ZNF510: variants seen among roughly 807,000 people sequenced by gnomAD.
The protein encoded by ZNF510 is zinc finger protein 510.
In ZNF510, 15 loss-of-function variants were observed where a neutral mutation model predicts 18.1. The ratio of observed to expected loss-of-function variants is 0.83; its 90% CI spans 0.55 to 1.28. The LOEUF (loss-of-function observed/expected upper bound fraction) is 1.28, where lower values mean the gene tolerates loss of function less well. Ranked by LOEUF, ZNF510 falls within the 50% of genes most tolerant of loss-of-function variation. The pLI, the probability that ZNF510 is intolerant of heterozygous loss-of-function variation, is 0.00. For synonymous variants in ZNF510, 261 were observed against 266.4 expected (o/e 0.98, Z 0.20); for missense variants, 724 against 791.8 (o/e 0.91, Z 1.03).
intron 3 of ZNF510, among the ~76,000 whole-genome samples, chr9:96,767,270 G>C (rs1441159045): frequency 6.6e-6 from 1 of 152,174 alleles, no homozygotes; most frequent in African/African-American, 2.4e-5. Context: ...GGAGGTTGCA[G>C]TGAGCTGATA....
In ZNF510 at chr9:96,757,223, G is replaced by A. The variant is rs10124797; in HGVS notation, c.*1555C>T. The A allele has an allele frequency of 0.037, 5,662 of 152,282 alleles. 352 individuals carry two copies. The highest frequency in any genetic ancestry group is 0.13 in the African/African-American group (5,318 of 41,538). 9.4% of individuals were successfully genotyped at this position (152,282 alleles called of 1,614,324 possible). ...TGGGTGCCAATGGCCTTTGGAGCCA[G>A]GGAAAACTCCTTAAAGCAGATATAG... On this transcript the variant is annotated 3_prime_UTR_variant, in exon 6 of 6. Coordinates refer to ENST00000223428, the MANE Select transcript of ZNF510 (RefSeq NM_014930.3).
In ZNF510 at chr9:96,769,058, T is replaced by C. The variant is rs575732061; in HGVS notation, c.130-5426A>G. ...CATTGGCCATTTATTAGGAAAAAAA[T>C]AGTTTTCAACAGATGATGCTGGGAT... is the stretch of plus-strand genomic sequence containing the variant. On this transcript the variant is annotated intron_variant, in intron 3 of 5. Coordinates refer to ENST00000223428, the MANE Select transcript of ZNF510 (RefSeq NM_014930.3). Among the ~76,000 whole-genome samples, 30 of 152,074 alleles carry C rather than the reference T, an allele frequency of 2.0e-4. 1 individual carries two copies. Among genetic ancestry groups the C allele is most frequent in the African/African-American group, 7.0e-4 (29 of 41,474 alleles).
chr9:96,762,097 CAGTGT>C (rs1229902979), intron 5 of ZNF510, among the ~76,000 whole-genome samples: 4 of 150,706 alleles, frequency 2.7e-5, no homozygotes, highest in Non-Finnish European at 4.4e-5. Flanking sequence ...AAATTGGGTG[CAGTGT>C]ATACTGCTTG....
Position 96,772,222 on chromosome 9 carries a change from A to G in ZNF510, c.129+2566T>C, listed in dbSNP as rs1257809486. ...AGAGCAACTGGATATCCGTATGGAAATATGAACCTTGACACTCACCTTATA... is the reference window on the plus strand; with the variant it reads ...AGAGCAACTGGATATCCGTATGGAAGTATGAACCTTGACACTCACCTTATA... On this transcript the variant is annotated intron_variant, in intron 3 of 5. Transcript: ENST00000223428. Among the ~76,000 whole-genome samples, 8 of 152,214 alleles carry G rather than the reference A, an allele frequency of 5.3e-5. 1 individual carries two copies. Among genetic ancestry groups the G allele is most frequent in the Admixed American group, 4.6e-4 (7 of 15,288 alleles).
rs1358323168 is a variant in ZNF510, at chr9:96,759,575, G to T, written c.1255C>A (p.Leu419Ile). ...GTGTGAGTTCTCTGATGTTGAATGA[G>T]ATGTCCTTTCTGACAGAAGGATTTC... ...CGKSFCQKGH[L>I]IQHQRTHTGE... is the part of the protein sequence containing the mutation. The change falls in exon 6 of 6, where the codon CTC (leucine) becomes ATC (isoleucine). Residue 419 changes from leucine to isoleucine, a missense_variant. Coordinates refer to ENST00000223428, the MANE Select transcript of ZNF510 (RefSeq NM_014930.3). 1 of 1,614,060 alleles carries T rather than the reference G, an allele frequency of 6.2e-7. No homozygotes were observed. The highest frequency in any genetic ancestry group is 1.7e-5 in the Admixed American group (1 of 60,018).
chr9:96,759,118 G>A lies in ZNF510; in HGVS notation c.1712C>T (p.Pro571Leu). The change falls in exon 6 of 6, where the codon CCA (proline) becomes CTA (leucine). Residue 571 changes from proline to leucine, a missense_variant. Transcript: ENST00000223428. ...QHQKTHTGEK[P>L]FKCNECGKTF... ...TTTCCCACATTCGTTACATTTGAAT[G>A]GTTTCTCTCCCGTGTGAGTTTTCTG... 6.2e-7 allele frequency: 1 copy of A among 1,614,046 alleles called. No individual in the cohort carries two copies. The highest frequency in any genetic ancestry group is 8.5e-7 in the Non-Finnish European group (1 of 1,179,986).
Position 96,755,938 on chromosome 9 carries a change from G to C in ZNF510, c.*2840C>G, listed in dbSNP as rs1849184518. 1 of 152,090 alleles carries C rather than the reference G, an allele frequency of 6.6e-6. No homozygotes were observed. The highest frequency in any genetic ancestry group is 1.5e-5 in the Non-Finnish European group (1 of 68,000). The allele number at this position is 152,090 out of a possible 1,614,324, so 9.4% of individuals were successfully genotyped here. A position where few individuals can be genotyped will look rare whatever the true frequency, so the allele number is the denominator to read the frequency against. On this transcript the variant is annotated 3_prime_UTR_variant, in exon 6 of 6. Transcript: ENST00000223428. The stretch of plus-strand genomic sequence containing the variant: ...CCATGTACTTTTACCATGTCACCCA[G>C]TGTCACATGGGTGATTTTTTGCCAT...
rs1849160260 is a variant in ZNF510 at position 96,754,867 on chromosome 9, G to C, written c.*3911C>G. ...GTGAATAAAACAGACAAAAATTCCT[G>C]CCTTGTTTTCTATCTTTATTAGCTT... On this transcript the variant is annotated 3_prime_UTR_variant, in exon 6 of 6. Coordinates refer to ENST00000223428, the MANE Select transcript of ZNF510 (RefSeq NM_014930.3). Among the ~76,000 whole-genome samples the C allele has an allele frequency of 6.6e-6, 1 of 152,174 alleles. No individual in the cohort carries two copies. Among genetic ancestry groups the C allele is most frequent in the South Asian group, 2.1e-4 (1 of 4,830 alleles).
rs199622716 is a variant in ZNF510 at position 96,755,333 on chromosome 9, A to G, written c.*3445T>C. Among the ~76,000 whole-genome samples the G allele has an allele frequency of 6.6e-6, 1 of 152,238 alleles. No individual in the cohort carries two copies. The highest frequency in any genetic ancestry group is 1.9e-4 in the East Asian group (1 of 5,202). ...AAAAGTTTAAAGACAGACTTGCTTTATATTAGGAAGTATTACAAAAACAGA... is the reference window on the plus strand; with the variant it reads ...AAAAGTTTAAAGACAGACTTGCTTTGTATTAGGAAGTATTACAAAAACAGA... On this transcript the variant is annotated 3_prime_UTR_variant, in exon 6 of 6. Transcript: ENST00000223428.
chr9:96,765,914 T>C (rs1793390897), intron 3 of ZNF510, among the ~76,000 whole-genome samples: 1 of 152,220 alleles, frequency 6.6e-6, no homozygotes, highest in East Asian at 1.9e-4. Flanking sequence ...AAAATATCTA[T>C]GTTAGATAAG....
intron 3 of ZNF510, among the ~76,000 whole-genome samples, chr9:96,772,100 T>C (rs879740454): frequency 2.0e-5 from 3 of 152,032 alleles, no homozygotes; most frequent in Non-Finnish European, 2.9e-5. Context: ...AGGAAGAAAA[T>C]ATACAGTCTA....
intron 3 of ZNF510, among the ~76,000 whole-genome samples, chr9:96,770,896 G>A (rs1849572551): frequency 2.0e-5 from 3 of 152,198 alleles, no homozygotes; most frequent in Admixed American, 6.5e-5. Flanking sequence ...TATATGGTAT[G>A]TGAATTGTAT....
chr9:96,763,117 C>G lies in ZNF510; in HGVS notation c.352+1G>C. 1 of 1,613,890 alleles carries G rather than the reference C, an allele frequency of 6.2e-7. No homozygotes were observed. Among genetic ancestry groups the G allele is most frequent in the Non-Finnish European group, 8.5e-7 (1 of 1,179,776 alleles). On this transcript the variant is annotated splice_donor_variant, in intron 5 of 5. Coordinates refer to ENST00000223428, the MANE Select transcript of ZNF510 (RefSeq NM_014930.3). LOFTEE classifies it high-confidence loss of function. ...ATGTCTACTACTGCTCAGTAACTCA[C>G]TTGGGTGACTCTGGTTTGAGAATTC...
intron 5 of ZNF510, 61 bp downstream of exon 5, chr9:96,763,057 A>G: frequency 2.1e-6 from 3 of 1,429,198 alleles, no homozygotes; most frequent in Middle Eastern, 3.5e-4. Flanking sequence ...GTTCACCCCT[A>G]AAGTGACCTG....
intron 5 of ZNF510, among the ~76,000 whole-genome samples, chr9:96,762,761 T>A (rs1436180882): frequency 2.0e-5 from 3 of 152,226 alleles, no homozygotes; most frequent in Non-Finnish European, 4.4e-5. Context: ...TGGGCATACA[T>A]ATTAAAAAGT....
rs769341130 is a variant in ZNF510, at chr9:96,756,494, C to G, written c.*2284G>C. On this transcript the variant is annotated 3_prime_UTR_variant, in exon 6 of 6. Transcript: ENST00000223428. ...TTCTAAGAGACAGCTACTACTATTG[C>G]CTATACAGCTGACATACTGTGGGGC... 3.9e-5 allele frequency: 6 copies of G among 152,188 alleles called. No individual in the cohort carries two copies. The highest frequency in any genetic ancestry group is 5.9e-5 in the Non-Finnish European group (4 of 68,034). The allele number at this position is 152,188 out of a possible 1,614,324, so 9.4% of individuals were successfully genotyped here. A position where few individuals can be genotyped will look rare whatever the true frequency, so the allele number is the denominator to read the frequency against.
chr9:96,765,117 AAC>A (rs1442664761), intron 3 of ZNF510, among the ~76,000 whole-genome samples: 1 of 132,348 alleles, frequency 7.6e-6, no homozygotes, highest in African/African-American at 2.7e-5. Context: ...TTGTATAAAA[AAC>A]AACAACAACA....
rs1849213924 is a variant in ZNF510 at position 96,757,148 on chromosome 9, A to G, written c.*1630T>C. 1 of 152,232 alleles carries G rather than the reference A, an allele frequency of 6.6e-6. No homozygotes were observed. The highest frequency in any genetic ancestry group is 6.5e-5 in the Admixed American group (1 of 15,280). 9.4% of individuals were successfully genotyped at this position (152,232 alleles called of 1,614,324 possible). On this transcript the variant is annotated 3_prime_UTR_variant, in exon 6 of 6. Coordinates refer to ENST00000223428, the MANE Select transcript of ZNF510 (RefSeq NM_014930.3). Reference sequence around the variant, plus strand: ...CCTTGGGCATGGATTCAATAAAGCCATATAAATCTGAGTCCCTCCCCTCTC... The same window carrying G: ...CCTTGGGCATGGATTCAATAAAGCCGTATAAATCTGAGTCCCTCCCCTCTC...
chr9:96,771,031 C>T (rs1021360846), intron 3 of ZNF510, among the ~76,000 whole-genome samples: 2 of 152,170 alleles, frequency 1.3e-5, no homozygotes, highest in African/African-American at 4.8e-5. Flanking sequence ...CAATGCTAGA[C>T]TACCTCACAG....
Sources: allele counts gnomAD v4.1 joint callset (sites outside exome capture counted in the v4.1 genomes callset), GRCh38; gene constraint gnomAD v4.1.1; transcripts MANE v1.5; gene names NCBI Gene and HGNC (gene_info 2026-07-23, HGNC 2026-07-21).